SLC25A48: variants seen among roughly 807,000 people sequenced by gnomAD.
SLC25A48 encodes solute carrier family 25 member 48.
A neutral mutation model predicts 32.2 loss-of-function variants in SLC25A48; 29 were observed. That is an observed-to-expected ratio of 0.90 (90% CI 0.67 to 1.23). SLC25A48 has a LOEUF of 1.23. SLC25A48 is among the 50% of genes most tolerant of loss of function. SLC25A48 has a pLI of 0.00. For synonymous variants in SLC25A48, 164 were observed against 172.3 expected, an observed-to-expected ratio of 0.95 and a Z score of 0.38; for missense variants, 399 against 422.7, an observed-to-expected ratio of 0.94 and a Z score of 0.49.
intron 3 of SLC25A48, among the ~76,000 whole-genome samples, chr5:135,755,997 C>T (rs944778305): frequency 7.5e-4 from 114 of 151,852 alleles, no homozygotes; most frequent in African/African-American, 2.6e-3. Flanking sequence ...CTATTGTCAA[C>T]GGACATGAAA....
At chr5:135,673,213 A>T (rs955725299) in intron 3 of SLC25A48, among the ~76,000 whole-genome samples, 4 of 152,182 alleles carry the variant, frequency 2.6e-5, no homozygotes, top group African/African-American at 9.6e-5. Flanking sequence ...TTTGTGTGAA[A>T]ATGTATTTTA....
At chr5:135,767,459 A>G (rs1467229913) in intron 3 of SLC25A48, among the ~76,000 whole-genome samples, 7 of 151,996 alleles carry the variant, frequency 4.6e-5, no homozygotes, top group Admixed American at 4.6e-4. Flanking sequence ...TGCTTCTGAT[A>G]TCGTGGGGAG....
At chr5:135,799,724 T>G (rs1757274536) in intron 3 of SLC25A48, among the ~76,000 whole-genome samples, 1 of 151,712 alleles carries the variant, frequency 6.6e-6, no homozygotes, top group Non-Finnish European at 1.5e-5. Flanking sequence ...TAATATCCGC[T>G]GCAGAGAGAG....
chr5:135,637,606 A>G (rs1752734923), intron 3 of SLC25A48, among the ~76,000 whole-genome samples: 2 of 152,210 alleles, frequency 1.3e-5, no homozygotes, highest in Non-Finnish European at 2.9e-5. Context: ...TCTTTGGCCA[A>G]TGTGTTTTTC....
intron 5 of SLC25A48, chr5:135,871,952 A>G (rs1362759998): frequency 6.9e-7 from 1 of 1,454,212 alleles, no homozygotes; most frequent in Admixed American, 2.5e-5. Context: ...GGCAACAGAT[A>G]TATTTTGAAC....
At chr5:135,597,330 A>T (rs562977349) in intron 1 of SLC25A48, among the ~76,000 whole-genome samples, 1 of 152,308 alleles carries the variant, frequency 6.6e-6, no homozygotes, top group South Asian at 2.1e-4. Context: ...GTGGCCACTG[A>T]TGGGCCTCTG....
intron 4 of SLC25A48, among the ~76,000 whole-genome samples, chr5:135,865,334 C>T (rs1172887488): frequency 1.3e-5 from 2 of 152,132 alleles, no homozygotes; most frequent in African/African-American, 4.8e-5. Flanking sequence ...TGGTAATATC[C>T]TGGGAAGTGA....
chr5:135,821,219 C>T (rs1158184143), intron 4 of SLC25A48, among the ~76,000 whole-genome samples: 1 of 152,170 alleles, frequency 6.6e-6, no homozygotes, highest in African/African-American at 2.4e-5. Flanking sequence ...TTAGGAGCAC[C>T]AGGCCTGGGA....
Position 135,733,812 on chromosome 5 carries a change from G to A in SLC25A48, c.-520-78711G>A, listed in dbSNP as rs1045883958. Reference sequence around the variant, plus strand: ...GGGCTGTTTTTTAAGGAATGGAAAGGGGAGTGGGGAAAGGATTTAGGATTT... The same window carrying A: ...GGGCTGTTTTTTAAGGAATGGAAAGAGGAGTGGGGAAAGGATTTAGGATTT... On this transcript the variant is annotated intron_variant, in intron 3 of 10. Transcript: ENST00000646290. 2.0e-5 allele frequency among the ~76,000 whole-genome samples: 3 copies of A among 152,132 alleles called. No homozygotes were observed. In the East Asian group the frequency reaches 5.8e-4, roughly 29 times the overall value.
rs767366702 is a variant in SLC25A48 at position 135,880,020 on chromosome 5, C to G, written c.866C>G (p.Ala289Gly). 8.6e-5 allele frequency: 132 copies of G among 1,536,190 alleles called. No individual in the cohort carries two copies. Among genetic ancestry groups the G allele is most frequent in the Non-Finnish European group, 1.1e-4 (129 of 1,146,966 alleles). The change falls in exon 7 of 8, where the codon GCG becomes GGG. Residue 289 changes from alanine (A) to glycine (G), a missense_variant. Ala to Gly is a moderately conservative substitution (Grantham distance 60, BLOSUM62 0). Transcript: ENST00000681962. The part of the protein sequence containing the change: ...VNAVRGFPMS[A>G]AMFLGYELSL... ...GCGGTGCGGGGCTTCCCCATGAGTG[C>G]GGCCATGTTCCTTGGGTACGAGCTG...
At chr5:135,724,909 C>A (rs1755052047) in intron 3 of SLC25A48, among the ~76,000 whole-genome samples, 3 of 152,242 alleles carry the variant, frequency 2.0e-5, no homozygotes, top group Admixed American at 2.0e-4. Flanking sequence ...AGAAACAGCA[C>A]AGACTCGGGT....
At chr5:135,680,871 T>G (rs1328108812) in intron 3 of SLC25A48, among the ~76,000 whole-genome samples, 1 of 152,220 alleles carries the variant, frequency 6.6e-6, no homozygotes, top group Non-Finnish European at 1.5e-5. Context: ...CTCTCTCTTC[T>G]TCTGAAACTC....
chr5:135,751,985 CT>C (rs1187755999), intron 3 of SLC25A48, among the ~76,000 whole-genome samples: 1 of 152,124 alleles, frequency 6.6e-6, no homozygotes, highest in African/African-American at 2.4e-5. Flanking sequence ...TGAACTTCAA[CT>C]ATATTTCACA....
At chr5:135,770,812 C>CCTGTGATATTGTTCCTAA (rs551784712) in intron 3 of SLC25A48, among the ~76,000 whole-genome samples, 1,839 of 151,858 alleles carry the variant, frequency 0.012, 37 homozygotes, top group African/African-American at 0.041. Flanking sequence ...GTATACCCTC[C>CCTGTGATATTGTTCCTAA]CTGTGATATT....
At chr5:135,797,274 C>A (rs1422205811) in intron 3 of SLC25A48, among the ~76,000 whole-genome samples, 6 of 151,774 alleles carry the variant, frequency 4.0e-5, no homozygotes, top group Non-Finnish European at 8.8e-5. Context: ...ATCACAGGGG[C>A]TGTGACATTG....
At chr5:135,749,414 A>G (rs1429685557) in intron 3 of SLC25A48, among the ~76,000 whole-genome samples, 1 of 151,256 alleles carries the variant, frequency 6.6e-6, no homozygotes, top group East Asian at 1.9e-4. Flanking sequence ...TAGTATTGGG[A>G]GCAGAAGGAC....
intron 3 of SLC25A48, among the ~76,000 whole-genome samples, chr5:135,651,372 G>A (rs1180106431): frequency 6.6e-6 from 1 of 152,138 alleles, no homozygotes; most frequent in South Asian, 2.1e-4. Context: ...TTTCCCCCAG[G>A]ACTCCCTCAG....
chr5:135,838,877 G>T (rs1392697824), intron 1 of SLC25A48, among the ~76,000 whole-genome samples: 1 of 152,258 alleles, frequency 6.6e-6, no homozygotes, highest in Non-Finnish European at 1.5e-5. Context: ...GAGAACCTCT[G>T]CTAGGGCAGT....
At chr5:135,747,113 T>C (rs1755660111) in intron 3 of SLC25A48, among the ~76,000 whole-genome samples, 1 of 152,016 alleles carries the variant, frequency 6.6e-6, no homozygotes, top group African/African-American at 2.4e-5. Context: ...CAGTGAATGG[T>C]ACCCTCTGCC....
Sources: allele counts gnomAD v4.1 joint callset (sites outside exome capture counted in the v4.1 genomes callset), GRCh38; gene constraint gnomAD v4.1.1; transcripts MANE v1.5; gene names NCBI Gene and HGNC (gene_info 2026-07-23, HGNC 2026-07-21).